CUX1: variants seen among roughly 807,000 people sequenced by gnomAD.
CUX1 encodes the protein protein CASP.
Under a neutral mutation model 158.8 loss-of-function variants are expected in CUX1, and 31 were observed. The observed-to-expected ratio is 0.20, with a 90% CI of 0.15 to 0.26. The LOEUF is 0.26. CUX1 is among the 10% of genes least tolerant of loss of function. The pLI, the probability that CUX1 is intolerant of heterozygous loss-of-function variation, is 1.00. For missense variants in CUX1, 1,589 were observed against 2,014.6 expected (o/e 0.79, Z 4.04); for synonymous variants, 879 against 862.1 (o/e 1.02, Z -0.34).
intron 14 of CUX1, among the ~76,000 whole-genome samples, chr7:102,269,433 T>A (rs1168518547): frequency 1.3e-5 from 2 of 151,982 alleles, no homozygotes; most frequent in Non-Finnish European, 2.9e-5. Flanking sequence ...TAGATGGAGT[T>A]TCACTCTTGT....
intron 2 of CUX1, among the ~76,000 whole-genome samples, chr7:102,002,408 G>A (rs1816786433): frequency 6.6e-6 from 1 of 152,214 alleles, no homozygotes; most frequent in African/African-American, 2.4e-5. Flanking sequence ...CTCCCTTCTT[G>A]CGTGGATGGC....
chr7:102,019,726 A>C (rs985800647), intron 2 of CUX1, among the ~76,000 whole-genome samples: 3 of 152,230 alleles, frequency 2.0e-5, no homozygotes, highest in Admixed American at 6.5e-5. Flanking sequence ...CGCAAAAGCC[A>C]CAGCATCAGC....
At chr7:101,943,708 G>A (rs1039948254) in intron 2 of CUX1, among the ~76,000 whole-genome samples, 13 of 151,734 alleles carry the variant, frequency 8.6e-5, no homozygotes, top group African/African-American at 3.1e-4. Flanking sequence ...AAAAATGGGG[G>A]CATTGATGAG....
chr7:102,279,953 G>A (rs1761511724), intron 18 of CUX1: 2 of 864,566 alleles, frequency 2.3e-6, no homozygotes, highest in Non-Finnish European at 3.8e-6. Context: ...TGCAGATGAG[G>A]AAACTGAGGC....
Position 101,916,014 on chromosome 7 carries a change from TG to T in CUX1, c.31-97del. On this transcript the variant is annotated intron_variant, in intron 1 of 23. Coordinates refer to ENST00000292535, the MANE Select transcript of CUX1 (RefSeq NM_181552.4). The surrounding 1 kb of genome is among the most constrained non-coding windows in gnomAD (Gnocchi z 4.4). ...ATGAGTTGATGTTCCTTAGAGCCAC[TG>T]GGGTCTCTCCCCCAGTGTTCTGGTC... The T allele has an allele frequency of 1.3e-6, 1 of 797,640 alleles. No individual in the cohort carries two copies. Among genetic ancestry groups the T allele is most frequent in the Non-Finnish European group, 2.2e-6 (1 of 452,586 alleles). The allele number at this position is 797,640 out of a possible 1,614,324, so 49.4% of individuals were successfully genotyped here. A position where few individuals can be genotyped will look rare whatever the true frequency, so the allele number is the denominator to read the frequency against.
chr7:102,038,258 C>G (rs1426039610), intron 3 of CUX1, among the ~76,000 whole-genome samples: 1 of 152,120 alleles, frequency 6.6e-6, no homozygotes, highest in Non-Finnish European at 1.5e-5. Context: ...GCTGTGCATC[C>G]CACCGTTGTA....
In CUX1 at chr7:101,817,779, C is replaced by T. The variant is rs577531823; in HGVS notation, c.30+110C>T. 1 of 1,352,960 alleles carries T rather than the reference C, an allele frequency of 7.4e-7. No homozygotes were observed. The highest frequency in any genetic ancestry group is 2.2e-5 in the Admixed American group (1 of 45,348). The allele number at this position is 1,352,960 out of a possible 1,614,324, so 83.8% of individuals were successfully genotyped here. ...TAGAATGCTCTAGGGCGGCCTGGTGCTCTGGGAGGGGATAGGAGGGTTCCT... is the reference window on the plus strand; with the variant it reads ...TAGAATGCTCTAGGGCGGCCTGGTGTTCTGGGAGGGGATAGGAGGGTTCCT... On this transcript the variant is annotated intron_variant, in intron 1 of 23. Transcript: ENST00000292535. The surrounding 1 kb of genome is among the most constrained non-coding windows in gnomAD (Gnocchi z 4.1).
chr7:102,084,571 C>T (rs1311465893), intron 4 of CUX1, among the ~76,000 whole-genome samples: 6 of 144,434 alleles, frequency 4.2e-5, no homozygotes, highest in African/African-American at 7.4e-5. Flanking sequence ...TACAGGTGCC[C>T]GCCACCACGC....
At chr7:102,279,406 A>T (rs1458944825) in intron 18 of CUX1, among the ~76,000 whole-genome samples, 4 of 152,210 alleles carry the variant, frequency 2.6e-5, no homozygotes, top group Non-Finnish European at 4.4e-5. Flanking sequence ...AAAAGCAACC[A>T]AGAGAGTGGA....
chr7:101,869,743 AGGAAGCGCAGG>A lies in CUX1; in HGVS notation c.31-46368_31-46358del, dbSNP rs1281009404. 2.6e-5 allele frequency among the ~76,000 whole-genome samples: 4 copies of A among 151,964 alleles called. No homozygotes were observed. Among genetic ancestry groups the A allele is most frequent in the African/African-American group, 7.3e-5 (3 of 41,252 alleles). ...GTGGGCGGGAGCTCACAGGCTGCAG[AGGAAGCGCAGG>A]GGAGGCGCAGGGGAGGCCAGGCTCT... On this transcript the variant is annotated intron_variant, in intron 1 of 23. Coordinates refer to ENST00000292535, the MANE Select transcript of CUX1 (RefSeq NM_181552.4). This position sits in a 1 kb window ranked among gnomAD's most constrained non-coding sequence, Gnocchi z 4.5.
chr7:101,854,810 T>C (rs1796612643), intron 1 of CUX1, among the ~76,000 whole-genome samples: 1 of 152,210 alleles, frequency 6.6e-6, no homozygotes, highest in African/African-American at 2.4e-5. Flanking sequence ...AGTGGCATCA[T>C]CTTGGCTCAC....
intron 8 of CUX1, among the ~76,000 whole-genome samples, chr7:102,116,133 C>T (rs782577039): frequency 1.1e-4 from 16 of 152,288 alleles, no homozygotes; most frequent in East Asian, 9.7e-4. Flanking sequence ...TGAATGGCGC[C>T]GCTGTCCCAC....
chr7:102,276,824 C>T (rs1263307427), intron 17 of CUX1, among the ~76,000 whole-genome samples: 2 of 151,974 alleles, frequency 1.3e-5, no homozygotes, highest in East Asian at 3.9e-4. Flanking sequence ...TGACTGCTGG[C>T]AGGTTTGGGG....
chr7:101,983,699 G>T (rs963049430), intron 2 of CUX1, among the ~76,000 whole-genome samples: 10 of 152,196 alleles, frequency 6.6e-5, no homozygotes, highest in African/African-American at 1.9e-4. Flanking sequence ...AGAGTGAGAA[G>T]GGGGAGGTCC....
intron 16 of CUX1, chr7:102,274,428 C>A: frequency 3.7e-6 from 3 of 820,150 alleles, no homozygotes; most frequent in African/African-American, 1.7e-5. Flanking sequence ...GTCAGGCCCC[C>A]ACGCCTGCAA....
chr7:102,254,287 C>T lies in CUX1; in HGVS notation c.*5245C>T, dbSNP rs1404937505. ...TCCATCATGGCCATTATCCTTGTCCCGGACTGCCCCAAAGTTCCCAGCTGG... is the reference window on the plus strand; with the variant it reads ...TCCATCATGGCCATTATCCTTGTCCTGGACTGCCCCAAAGTTCCCAGCTGG... On this transcript the variant is annotated 3_prime_UTR_variant, in exon 24 of 24. Transcript: ENST00000292535. 22 of 985,350 alleles carry T rather than the reference C, an allele frequency of 2.2e-5. No homozygotes were observed. The highest frequency in any genetic ancestry group is 2.3e-5 in the Non-Finnish European group (19 of 829,996). The allele number at this position is 985,350 out of a possible 1,614,324, so 61.0% of individuals were successfully genotyped here.
At position 102,256,981 on chromosome 7, in the gene CUX1, G is replaced by A; in HGVS notation, c.*7939G>A. On this transcript the variant is annotated 3_prime_UTR_variant, in exon 24 of 24. Coordinates refer to ENST00000292535, the MANE Select transcript of CUX1 (RefSeq NM_181552.4). ...TCACCTAGGAGATCATAGGCAGAGGGCCCCTTTCCCCTATAGGTGGTTCAA... is the reference window on the plus strand; with the variant it reads ...TCACCTAGGAGATCATAGGCAGAGGACCCCTTTCCCCTATAGGTGGTTCAA... 1 of 985,446 alleles carries A rather than the reference G, an allele frequency of 1.0e-6. No individual in the cohort carries two copies. The highest frequency in any genetic ancestry group is 1.2e-6 in the Non-Finnish European group (1 of 829,954). 61.0% of individuals were successfully genotyped at this position (985,446 alleles called of 1,614,324 possible).
chr7:101,962,825 A>G (rs762805673), intron 2 of CUX1, among the ~76,000 whole-genome samples: 4 of 151,994 alleles, frequency 2.6e-5, no homozygotes, highest in Non-Finnish European at 5.9e-5. Flanking sequence ...GGCTCAAGCA[A>G]TCCTCCCACC....
chr7:102,116,102 C>T (rs111634422), intron 8 of CUX1, among the ~76,000 whole-genome samples: 8 of 152,282 alleles, frequency 5.3e-5, no homozygotes, highest in Admixed American at 2.0e-4. Context: ...CCGTGGGCAT[C>T]GGCAAGAAGA....
Sources: gnomAD v4.1 joint callset for allele counts (sites outside exome capture counted in the v4.1 genomes callset) on GRCh38, gnomAD v4.1.1 for gene constraint, Gnocchi (gnomAD v3.1) non-coding constraint, MANE v1.5 for transcripts, NCBI Gene and HGNC (gene_info 2026-07-23, HGNC 2026-07-21) for gene names.